CELF2: variants seen among roughly 807,000 people sequenced by gnomAD.
The protein encoded by CELF2 is CUG triplet repeat RNA-binding protein 2.
In CELF2, 8 loss-of-function variants were observed where a neutral mutation model predicts 62.6. The observed-to-expected ratio is 0.13, with a 90% CI of 0.07 to 0.23. The LOEUF is 0.23. Among genes scored for constraint, CELF2 ranks in the 10% least tolerant of loss-of-function variants. CELF2 has a pLI of 1.00. For missense variants in CELF2, 333 were observed against 671.0 expected, an observed-to-expected ratio of 0.50 and a Z score of 5.56; for synonymous variants, 258 against 250.0, an observed-to-expected ratio of 1.03 and a Z score of -0.30.
chr10:10,571,962 A>G, the CELF2 span, among the ~76,000 whole-genome samples: 2 of 152,250 alleles, frequency 1.3e-5, no homozygotes, highest in South Asian at 4.2e-4. Context: ...ATTGCTGTCA[A>G]TAAGAGAGGG....
chr10:11,098,863 G>A lies in CELF2; in HGVS notation c.75-66623G>A, dbSNP rs183598338. 1.4e-4 allele frequency among the ~76,000 whole-genome samples: 22 copies of A among 152,314 alleles called. No homozygotes were observed. Among genetic ancestry groups the A allele is most frequent in the African/African-American group, 5.1e-4 (21 of 41,564 alleles). The stretch of plus-strand genomic sequence containing the variant: ...TACCTGGGCAGCAGGCCACGCGTGA[G>A]AGCAGCTTCCCCGAACCTCTCTCAT... On this transcript the variant is annotated intron_variant, in intron 1 of 12. Coordinates refer to ENST00000633077, the MANE Select transcript of CELF2 (RefSeq NM_001326342.2). This position sits in a 1 kb window ranked among gnomAD's most constrained non-coding sequence, Gnocchi z 4.0.
Position 11,321,081 on chromosome 10 carries a change from T to C in CELF2, c.1097-108T>C, listed in dbSNP as rs2095416022. 3.1e-6 allele frequency: 4 copies of C among 1,294,430 alleles called. No individual in the cohort carries two copies. In the African/African-American group the frequency reaches 4.4e-5, roughly 14 times the overall value. The allele number at this position is 1,294,430 out of a possible 1,614,324, so 80.2% of individuals were successfully genotyped here. A position where few individuals can be genotyped will look rare whatever the true frequency, so the allele number is the denominator to read the frequency against. On this transcript the variant is annotated intron_variant, in intron 10 of 12. Transcript: ENST00000633077. The surrounding 1 kb of genome is among the most constrained non-coding windows in gnomAD (Gnocchi z 6.2). ...CCTGTCAGTGTAATTGTGTGCTAGC[T>C]GCATGTACTTGCTGTTGTACTGTGT...
rs916829303 is a variant in CELF2 at position 11,314,703 on chromosome 10, T to C, written c.1096+445T>C. 1 of 247,644 alleles carries C rather than the reference T, an allele frequency of 4.0e-6. No homozygotes were observed. Among genetic ancestry groups the C allele is most frequent in the African/African-American group, 2.3e-5 (1 of 44,022 alleles). 15.3% of individuals were successfully genotyped at this position (247,644 alleles called of 1,614,324 possible). ...TGCTCCCTCTCTGGGCTTGGGAGTC[T>C]CCATTTGAGAATGGAAAGTTCTGGG... is the stretch of plus-strand genomic sequence containing the variant. On this transcript the variant is annotated intron_variant, in intron 10 of 12. Coordinates refer to ENST00000633077, the MANE Select transcript of CELF2 (RefSeq NM_001326342.2). This position sits in a 1 kb window ranked among gnomAD's most constrained non-coding sequence, Gnocchi z 5.3.
At chr10:10,635,427 G>T in the CELF2 span, among the ~76,000 whole-genome samples, 1 of 152,134 alleles carries the variant, frequency 6.6e-6, no homozygotes, top group African/African-American at 2.4e-5. Flanking sequence ...TTTCTAGAAG[G>T]TCGTTCCACT....
At chr10:11,283,881 AGGG>A in intron 8 of CELF2, among the ~76,000 whole-genome samples, 1 of 106,444 alleles carries the variant, frequency 9.4e-6, no homozygotes. Context: ...TGATGGATGG[AGGG>A]GTGGGTGGAT....
chr10:10,484,904 G>T, the CELF2 span, among the ~76,000 whole-genome samples: 33 of 152,186 alleles, frequency 2.2e-4, no homozygotes, highest in Non-Finnish European at 3.7e-4. Context: ...TGAAGAAGAG[G>T]ATATTTTCCA....
intron 1 of CELF2, among the ~76,000 whole-genome samples, chr10:11,074,358 A>C (rs1248377482): frequency 6.6e-6 from 1 of 152,184 alleles, no homozygotes; most frequent in Non-Finnish European, 1.5e-5. Context: ...CAAAGATTGG[A>C]AGTTACTTAG....
the CELF2 span, among the ~76,000 whole-genome samples, chr10:10,681,309 T>C: frequency 6.6e-6 from 1 of 152,188 alleles, no homozygotes; most frequent in Admixed American, 6.5e-5. Context: ...ACCTTATTGA[T>C]CAGCGTCAGT....
chr10:11,262,392 A>G (rs1375198232), intron 5 of CELF2, among the ~76,000 whole-genome samples: 1 of 152,232 alleles, frequency 6.6e-6, no homozygotes, highest in African/African-American at 2.4e-5. Flanking sequence ...AACAACAAGC[A>G]TGTACACAGA....
At position 11,328,886 on chromosome 10, in the gene CELF2, C is replaced by T; in HGVS notation, c.1439-40C>T. 1 of 1,586,432 alleles carries T rather than the reference C, an allele frequency of 6.3e-7. No homozygotes were observed. The highest frequency in any genetic ancestry group is 8.6e-7 in the Non-Finnish European group (1 of 1,162,528). Reference sequence around the variant, plus strand: ...GCCCCCTTTTCTGTTTTCTGCTGGGCTTCCTCTCCAGGCTGACTCCCTCTC... The same window carrying T: ...GCCCCCTTTTCTGTTTTCTGCTGGGTTTCCTCTCCAGGCTGACTCCCTCTC... On this transcript the variant is annotated intron_variant, in intron 12 of 12. Transcript: ENST00000633077. This position sits in a 1 kb window ranked among gnomAD's most constrained non-coding sequence, Gnocchi z 6.4.
rs1447672908 is a variant in CELF2, at chr10:11,165,941, G to C, written c.271+259G>C. 2.0e-5 allele frequency among the ~76,000 whole-genome samples: 3 copies of C among 152,248 alleles called. No homozygotes were observed. The highest frequency in any genetic ancestry group is 4.4e-5 in the Non-Finnish European group (3 of 68,038). Reference sequence around the variant, plus strand: ...GCGCAGAGGCTCGGTCCAGGCGCGTGATCGCTCCCGGGAGGTCACTTTCTA... The same window carrying C: ...GCGCAGAGGCTCGGTCCAGGCGCGTCATCGCTCCCGGGAGGTCACTTTCTA... On this transcript the variant is annotated intron_variant, in intron 2 of 12. Transcript: ENST00000633077. This position sits in a 1 kb window ranked among gnomAD's most constrained non-coding sequence, Gnocchi z 7.4.
intron 1 of CELF2, among the ~76,000 whole-genome samples, chr10:11,024,680 A>G (rs2058855637): frequency 1.3e-5 from 2 of 152,194 alleles, no homozygotes; most frequent in Non-Finnish European, 2.9e-5. Context: ...GTGAGACTGT[A>G]TGCAGTGCTC....
At chr10:10,892,988 C>T (rs2062260968) in intron 1 of CELF2, among the ~76,000 whole-genome samples, 1 of 152,110 alleles carries the variant, frequency 6.6e-6, no homozygotes, top group South Asian at 2.1e-4. Context: ...TTTTGTCATC[C>T]TTCTTTTCTT....
intron 1 of CELF2, among the ~76,000 whole-genome samples, chr10:10,838,543 A>G (rs1466202168): frequency 1.3e-5 from 2 of 152,160 alleles, no homozygotes; most frequent in East Asian, 1.9e-4. Context: ...TTTCCCATTT[A>G]TTTAGGTATT....
At chr10:10,734,517 G>T in the CELF2 span, among the ~76,000 whole-genome samples, 1 of 152,174 alleles carries the variant, frequency 6.6e-6, no homozygotes, top group Non-Finnish European at 1.5e-5. Flanking sequence ...GTGGGCATAG[G>T]CACAAGCCTG....
At chr10:10,795,441 G>T (rs1450892490), upstream of CELF2, among the ~76,000 whole-genome samples, 1 of 152,164 alleles carries the variant, frequency 6.6e-6, no homozygotes, top group Non-Finnish European at 1.5e-5. Flanking sequence ...TATTAAGGCT[G>T]AACCTAACTC....
intron 3 of CELF2, among the ~76,000 whole-genome samples, chr10:11,248,949 T>TA: frequency 6.6e-6 from 1 of 152,378 alleles, no homozygotes; most frequent in East Asian, 1.9e-4. Flanking sequence ...TGTTCTGTGT[T>TA]ACAGGGCCCC....
the CELF2 span, among the ~76,000 whole-genome samples, chr10:10,602,505 C>A: frequency 6.6e-6 from 1 of 152,092 alleles, no homozygotes; most frequent in Non-Finnish European, 1.5e-5. Context: ...CTAATGACAG[C>A]AGATTTTGTG....
In CELF2 at chr10:11,297,926, G is replaced by A. The variant is rs2093355066; in HGVS notation, c.976+9374G>A. 6.6e-6 allele frequency among the ~76,000 whole-genome samples: 1 copy of A among 152,214 alleles called. No homozygotes were observed. The highest frequency in any genetic ancestry group is 6.5e-5 in the Admixed American group (1 of 15,276). On this transcript the variant is annotated intron_variant, in intron 9 of 12. Transcript: ENST00000633077. The surrounding 1 kb of genome is among the most constrained non-coding windows in gnomAD (Gnocchi z 4.4). ...GAACCCAGGAGGCAGAGGTTGCAGTGAGCCGAGATCACGTCACTGCACTCC... is the reference window on the plus strand; with the variant it reads ...GAACCCAGGAGGCAGAGGTTGCAGTAAGCCGAGATCACGTCACTGCACTCC...
Sources: allele counts gnomAD v4.1 joint callset (sites outside exome capture counted in the v4.1 genomes callset), GRCh38; gene constraint gnomAD v4.1.1; non-coding constraint Gnocchi (gnomAD v3.1); transcripts MANE v1.5; gene names NCBI Gene and HGNC (gene_info 2026-07-23, HGNC 2026-07-21).